Variants in NCOR1 observed in about 807,000 individuals in gnomAD.
The protein encoded by NCOR1 is protein phosphatase 1, regulatory subunit 109.
A neutral mutation model predicts 288.1 loss-of-function variants in NCOR1; 63 were observed. The observed-to-expected ratio is 0.22, with a 90% CI of 0.18 to 0.27. The LOEUF is 0.27. NCOR1 is among the 10% of genes least tolerant of loss of function. The probability of loss-of-function intolerance (pLI) is 1.00; values close to 1 mark genes in which losing one functional copy is unlikely to be tolerated. For missense variants in NCOR1, 2,397 were observed against 3,019.2 expected (o/e 0.79, Z 4.83); for synonymous variants, 1,007 against 1,065.9 (o/e 0.94, Z 1.08).
chr17:16,119,918 C>T (rs201328903), intron 16 of NCOR1, among the ~76,000 whole-genome samples: 4 of 152,018 alleles, frequency 2.6e-5, no homozygotes, highest in Non-Finnish European at 4.4e-5. Context: ...AGTTCATCCC[C>T]GAGTGTCTGA....
chr17:16,091,542 A>G, intron 22 of NCOR1: 1 of 1,077,834 alleles, frequency 9.3e-7, no homozygotes, highest in Non-Finnish European at 1.1e-6. Context: ...CAAGGACAGG[A>G]CAACAATTCT....
At chr17:16,055,649 C>A (rs567465995) in intron 40 of NCOR1, among the ~76,000 whole-genome samples, 22 of 152,252 alleles carry the variant, frequency 1.4e-4, no homozygotes, top group African/African-American at 5.1e-4. Flanking sequence ...TATAATAAAC[C>A]TGCACATGTA....
At chr17:16,091,677 T>C in intron 22 of NCOR1, 186 bp downstream of exon 22, 1 of 1,419,728 alleles carries the variant, frequency 7.0e-7, no homozygotes, top group Non-Finnish European at 9.2e-7. Context: ...ACTGGCATCC[T>C]TTAGTAGTTA....
chr17:16,166,926 A>G (rs73981477), intron 4 of NCOR1, among the ~76,000 whole-genome samples: 7,514 of 152,282 alleles, frequency 0.049, 221 homozygotes, highest in African/African-American at 0.092. Flanking sequence ...TTAAGTCTTC[A>G]TGTGTTGTGA....
At chr17:16,040,544 A>G in intron 42 of NCOR1, 50 bp from the exon 43 acceptor site, 2 of 1,501,388 alleles carry the variant, frequency 1.3e-6, no homozygotes, top group South Asian at 1.2e-5. Context: ...AATCATATAT[A>G]CCAAACTAAA....
intron 15 of NCOR1, among the ~76,000 whole-genome samples, chr17:16,125,863 A>G (rs1357578238): frequency 2.0e-5 from 3 of 152,070 alleles, no homozygotes; most frequent in East Asian, 1.9e-4. Flanking sequence ...AGAGAGTGGA[A>G]TAAGAGACAC....
At chr17:16,034,543 G>C (rs903578877) in intron 45 of NCOR1, among the ~76,000 whole-genome samples, 1 of 152,118 alleles carries the variant, frequency 6.6e-6, no homozygotes, top group African/African-American at 2.4e-5. Context: ...CAGAGGTCGA[G>C]GCTGCAGTGA....
intron 22 of NCOR1, among the ~76,000 whole-genome samples, chr17:16,086,901 A>T (rs1043002504): frequency 6.6e-6 from 1 of 152,170 alleles, no homozygotes; most frequent in African/African-American, 2.4e-5. Flanking sequence ...AATTTTGGGG[A>T]TGGGGAGATC....
chr17:16,045,390 G>A (rs990959338), intron 42 of NCOR1, among the ~76,000 whole-genome samples: 3 of 152,170 alleles, frequency 2.0e-5, no homozygotes, highest in Non-Finnish European at 4.4e-5. Context: ...ATTGTAATAT[G>A]TAGGGTTGTT....
chr17:16,063,004 T>C (rs1445794716), intron 35 of NCOR1, among the ~76,000 whole-genome samples: 3 of 152,150 alleles, frequency 2.0e-5, no homozygotes, highest in African/African-American at 4.8e-5. Flanking sequence ...GACCTCATCT[T>C]GTTCTGTGTC....
At chr17:16,039,288 C>G (rs757220323) in intron 44 of NCOR1, 145 bp downstream of exon 44, 14 of 789,174 alleles carry the variant, frequency 1.8e-5, no homozygotes, top group Non-Finnish European at 2.7e-5. Flanking sequence ...TTTCAAAAAC[C>G]TTTTTTAAGT....
chr17:16,046,865 A>T, intron 42 of NCOR1, 86 bp downstream of exon 42: 1 of 1,476,678 alleles, frequency 6.8e-7, no homozygotes, highest in Non-Finnish European at 9.2e-7. Flanking sequence ...GAGCCTTCAA[A>T]CTCAAGCATT....
chr17:16,121,604 T>A (rs1399967868), intron 15 of NCOR1, among the ~76,000 whole-genome samples: 1 of 152,198 alleles, frequency 6.6e-6, no homozygotes, highest in Non-Finnish European at 1.5e-5. Flanking sequence ...GACAACAGCC[T>A]ACACCAAAAG....
At chr17:16,159,318 C>T (rs1343778182) in intron 5 of NCOR1, among the ~76,000 whole-genome samples, 1 of 146,140 alleles carries the variant, frequency 6.8e-6, no homozygotes, top group African/African-American at 2.6e-5. Context: ...AAGGCTGAGG[C>T]AGGAGAATCA....
At chr17:16,192,598 G>A (rs1218127770) in intron 2 of NCOR1, among the ~76,000 whole-genome samples, 1 of 152,114 alleles carries the variant, frequency 6.6e-6, no homozygotes, top group Non-Finnish European at 1.5e-5. Context: ...AGAGGATGCA[G>A]TGAGCTCAGA....
rs2152697589 is a variant in NCOR1, at chr17:16,067,923, G to A, written c.4712C>T (p.Ala1571Val). The A allele has an allele frequency of 1.9e-6, 3 of 1,614,052 alleles. No individual in the cohort carries two copies. Among genetic ancestry groups the A allele is most frequent in the Non-Finnish European group, 2.5e-6 (3 of 1,179,992 alleles). ...RSHLPTHLDP[A>V]MPFHRALDPA... ...ATCCAAAGCCCTGTGAAAAGGCATG[G>A]CTGGATCCAAGTGCGTGGGCAGGTG... is the stretch of plus-strand genomic sequence containing the variant. Residue 1571 changes from alanine to valine, a missense_variant, in exon 32 of 46, where the codon GCC becomes GTC. Coordinates refer to ENST00000268712, the MANE Select transcript of NCOR1 (RefSeq NM_006311.4).
intron 14 of NCOR1, among the ~76,000 whole-genome samples, chr17:16,129,068 G>C (rs2075205373): frequency 6.6e-6 from 1 of 152,020 alleles, no homozygotes; most frequent in South Asian, 2.1e-4. Flanking sequence ...ATTATGCCTT[G>C]ACATTATTTT....
chr17:16,096,993 C>T lies in NCOR1; in HGVS notation c.2820+1374G>A, dbSNP rs149197370. Among the ~76,000 whole-genome samples, 3 of 152,330 alleles carry T rather than the reference C, an allele frequency of 2.0e-5. No individual in the cohort carries two copies. The East Asian group carries it at 5.8e-4, about 29-fold the overall frequency. On this transcript the variant is annotated intron_variant, in intron 21 of 45. Coordinates refer to ENST00000268712, the MANE Select transcript of NCOR1 (RefSeq NM_006311.4). ...GCACCTGCTAAGTATACCTGGAGGA[C>T]ATTATGCTGAGTGAAATAAGCCTAT...
chr17:16,179,812 G>A (rs1180309521), intron 3 of NCOR1, among the ~76,000 whole-genome samples: 2 of 152,038 alleles, frequency 1.3e-5, no homozygotes, highest in South Asian at 2.1e-4. Flanking sequence ...TCAGGAGATC[G>A]AGACCATCCT....
Sources: gnomAD v4.1 joint callset for allele counts (sites outside exome capture counted in the v4.1 genomes callset) on GRCh38, gnomAD v4.1.1 for gene constraint, MANE v1.5 for transcripts, NCBI Gene and HGNC (gene_info 2026-07-23, HGNC 2026-07-21) for gene names.